The following AFTPH variants were observed in gnomAD, a reference collection of about 807,000 sequenced individuals.
The protein encoded by AFTPH is aftiphilin protein.
Under a neutral mutation model 72.5 loss-of-function variants are expected in AFTPH, and 7 were observed. The ratio of observed to expected loss-of-function variants is 0.10; its 90% CI spans 0.05 to 0.18. AFTPH has a LOEUF of 0.18. Ranked by LOEUF, AFTPH falls within the 10% of genes least tolerant of loss-of-function variation. AFTPH has a pLI of 1.00. For missense variants in AFTPH, 979 were observed against 1,060.5 expected, an observed-to-expected ratio of 0.92 and a Z score of 1.07; for synonymous variants, 337 against 370.1, an observed-to-expected ratio of 0.91 and a Z score of 1.03.
chr2:64,572,218 C>A (rs1672477957), intron 5 of AFTPH, among the ~76,000 whole-genome samples: 3 of 105,086 alleles, frequency 2.9e-5, no homozygotes, highest in African/African-American at 3.4e-5. Context: ...AAAACTCTGT[C>A]TCAAAAAAAA....
intron 2 of AFTPH, among the ~76,000 whole-genome samples, chr2:64,554,596 T>C (rs1671246382): frequency 1.3e-5 from 2 of 152,250 alleles, no homozygotes; most frequent in African/African-American, 4.8e-5. Context: ...AGAGAAATTA[T>C]GGTATTACCA....
intron 1 of AFTPH, among the ~76,000 whole-genome samples, chr2:64,538,869 T>G (rs952252237): frequency 7.2e-6 from 1 of 139,576 alleles, no homozygotes; most frequent in African/African-American, 3.2e-5. Flanking sequence ...AGTAAATGCT[T>G]CTTTCTGTAA....
Position 64,529,775 on chromosome 2 carries a change from G to A in AFTPH, c.-33+5163G>A, listed in dbSNP as rs564752783. 3.3e-5 allele frequency among the ~76,000 whole-genome samples: 5 copies of A among 151,996 alleles called. 1 individual carries two copies. The highest frequency in any genetic ancestry group is 1.3e-4 in the Admixed American group (2 of 15,270). On this transcript the variant is annotated intron_variant, in intron 1 of 8. Coordinates refer to ENST00000238856, the Ensembl canonical transcript of AFTPH. ...CTCCTAAATAGCTGGGACCACGGGCGCACACCACCATGCCTGGCTAATTGT... is the reference window on the plus strand; with the variant it reads ...CTCCTAAATAGCTGGGACCACGGGCACACACCACCATGCCTGGCTAATTGT...
At chr2:64,577,204 ATC>A (rs1672873382) in intron 6 of AFTPH, among the ~76,000 whole-genome samples, 3 of 152,132 alleles carry the variant, frequency 2.0e-5, no homozygotes, top group African/African-American at 7.2e-5. Flanking sequence ...TAGTGCTTTT[ATC>A]TCTGCAGTAA....
intron 7 of AFTPH, chr2:64,580,746 T>C (rs557019553): frequency 8.2e-4 from 125 of 153,094 alleles, no homozygotes; most frequent in Non-Finnish European, 1.4e-3. Context: ...ACTGACAACT[T>C]TGTCACTTTT....
intron 2 of AFTPH, among the ~76,000 whole-genome samples, chr2:64,565,969 T>A (rs1025414546): frequency 6.6e-6 from 1 of 152,206 alleles, no homozygotes. Context: ...ATTTCTTTCT[T>A]CCTGTGGTAA....
chr2:64,525,899 C>T (rs760286810), intron 1 of AFTPH, among the ~76,000 whole-genome samples: 1 of 152,154 alleles, frequency 6.6e-6, no homozygotes, highest in Non-Finnish European at 1.5e-5. Context: ...AAAGACAGAT[C>T]TTGTGTAAAA....
At chr2:64,552,141 T>A in exon 2 of AFTPH, 1 of 1,614,106 alleles carries the variant, frequency 6.2e-7, no homozygotes, top group Non-Finnish European at 8.5e-7. Flanking sequence ...TAATTTAGAC[T>A]CTGTACCTAG....
intron 6 of AFTPH, among the ~76,000 whole-genome samples, chr2:64,577,068 A>T (rs1355029730): frequency 6.6e-6 from 1 of 152,100 alleles, no homozygotes; most frequent in Non-Finnish European, 1.5e-5. Flanking sequence ...CACCATGCTC[A>T]CTTTTTACAG....
intron 1 of AFTPH, among the ~76,000 whole-genome samples, chr2:64,548,119 C>A (rs528826034): frequency 4.4e-5 from 6 of 137,206 alleles, no homozygotes; most frequent in Non-Finnish European, 9.5e-5. Flanking sequence ...AAGGGCCGGG[C>A]GCGGTGGCTC....
At chr2:64,573,189 G>T (rs1009011104) in intron 6 of AFTPH, 121 bp downstream of exon 6, 2 of 738,384 alleles carry the variant, frequency 2.7e-6, no homozygotes, top group Non-Finnish European at 4.4e-6. Flanking sequence ...TTGATTTAAT[G>T]ATGGACATGA....
chr2:64,557,005 C>T (rs1473328849), intron 2 of AFTPH, among the ~76,000 whole-genome samples: 1 of 152,120 alleles, frequency 6.6e-6, no homozygotes, highest in Non-Finnish European at 1.5e-5. Context: ...AGATTTAAAA[C>T]AACAAAATGC....
intron 6 of AFTPH, among the ~76,000 whole-genome samples, chr2:64,575,731 GTGTGTGTGTGTA>G (rs1450829194): frequency 4.2e-4 from 27 of 63,840 alleles, no homozygotes; most frequent in African/African-American, 1.3e-3. Flanking sequence ...GTGTGTGTGT[GTGTGTGTGTGTA>G]TATATTTTTT....
chr2:64,542,057 C>T (rs1670286166), intron 1 of AFTPH, among the ~76,000 whole-genome samples: 1 of 152,090 alleles, frequency 6.6e-6, no homozygotes, highest in African/African-American at 2.4e-5. Context: ...GTTGTATAAT[C>T]TAGGTCAGTT....
intron 2 of AFTPH, among the ~76,000 whole-genome samples, chr2:64,556,834 T>C (rs1671408922): frequency 6.6e-6 from 1 of 152,230 alleles, no homozygotes. Context: ...ATGAACATTA[T>C]TGAGAAATAG....
At position 64,552,656 on chromosome 2, in the gene AFTPH, A is replaced by C; in HGVS notation, c.1182A>C (p.Gln394His). ...AAAGTAGAAAGTTTACTAATTTCCA[A>C]AGCCCAAACATTGACCCCACAGAAG... The change falls in exon 2 of 9, where the codon CAA (glutamine) becomes CAC (histidine). Residue 394 changes from glutamine to histidine, a missense_variant. Physicochemically the swap from Gln to His is conservative, Grantham distance 24. Coordinates refer to ENST00000238856, the Ensembl canonical transcript of AFTPH. 6.2e-7 allele frequency: 1 copy of C among 1,614,224 alleles called. No homozygotes were observed. The highest frequency in any genetic ancestry group is 8.5e-7 in the Non-Finnish European group (1 of 1,180,030).
chr2:64,585,396 CACTG>C, intron 7 of AFTPH, 22 bp from the exon 9 acceptor site: 4 of 1,612,412 alleles, frequency 2.5e-6, no homozygotes, highest in Non-Finnish European at 2.5e-6. Flanking sequence ...AGCCTGCCAT[CACTG>C]ACTATCATTT....
intron 2 of AFTPH, among the ~76,000 whole-genome samples, chr2:64,560,842 C>T (rs1353391772): frequency 6.6e-6 from 1 of 152,128 alleles, no homozygotes; most frequent in African/African-American, 2.4e-5. Context: ...CACTGCACTC[C>T]ATCCTGAGTG....
intron 4 of AFTPH, 115 bp from the exon 5 acceptor site, chr2:64,569,508 C>A: frequency 8.2e-7 from 1 of 1,217,728 alleles, no homozygotes; most frequent in Non-Finnish European, 1.2e-6. Context: ...TAAGTTTCAT[C>A]AATTTATCAT....
Sources: gnomAD v4.1 joint callset for allele counts (sites outside exome capture counted in the v4.1 genomes callset) on GRCh38, gnomAD v4.1.1 for gene constraint, MANE v1.5 for transcripts, NCBI Gene and HGNC (gene_info 2026-07-23, HGNC 2026-07-21) for gene names.